The following ROBO1 variants were observed in gnomAD, a reference collection of about 807,000 sequenced individuals.
The protein encoded by ROBO1 is roundabout guidance receptor 1, also known as roundabout homolog 1.
Under a neutral mutation model 195.9 loss-of-function variants are expected in ROBO1, and 149 were observed. That is an observed-to-expected ratio of 0.76 (90% confidence interval 0.67 to 0.87). ROBO1 has a LOEUF of 0.87. Among genes scored for constraint, ROBO1 ranks in the 40% least tolerant of loss-of-function variants. The probability of loss-of-function intolerance (pLI) is 0.00; values close to 1 mark genes in which losing one functional copy is unlikely to be tolerated. For missense variants in ROBO1, 1,933 were observed against 2,068.3 expected, an observed-to-expected ratio of 0.93 and a Z score of 1.27; for synonymous variants, 816 against 733.2, an observed-to-expected ratio of 1.11 and a Z score of -1.82.
chr3:79,566,895 C>G (rs1943107672), intron 2 of ROBO1, among the ~76,000 whole-genome samples: 3 of 152,170 alleles, frequency 2.0e-5, no homozygotes, highest in East Asian at 1.9e-4. Flanking sequence ...GACATAGAGA[C>G]AGAAATACCG....
Position 78,899,055 on chromosome 3 carries a change from A to G in ROBO1, c.499+39546T>C, listed in dbSNP as rs530529985. ...CTCACCTACAACTTGATTTATTTCC[A>G]ATGTCCTGTGCTAGGACTGGTACCC... On this transcript the variant is annotated intron_variant, in intron 4 of 30. Coordinates refer to ENST00000464233, the MANE Select transcript of ROBO1 (RefSeq NM_002941.4). 7.9e-5 allele frequency among the ~76,000 whole-genome samples: 12 copies of G among 152,270 alleles called. No individual in the cohort carries two copies. In the East Asian group the frequency reaches 2.1e-3, roughly 27 times the overall value.
At chr3:79,497,968 C>T (rs532847101) in intron 2 of ROBO1, among the ~76,000 whole-genome samples, 9 of 151,826 alleles carry the variant, frequency 5.9e-5, no homozygotes, top group African/African-American at 2.2e-4. Context: ...TAATAAATAG[C>T]TCAGGAATAT....
At chr3:79,322,673 C>T (rs528984227) in intron 2 of ROBO1, among the ~76,000 whole-genome samples, 18 of 152,062 alleles carry the variant, frequency 1.2e-4, no homozygotes, top group South Asian at 4.2e-4. Flanking sequence ...ACCATTTGGC[C>T]GTATATTGGT....
chr3:78,761,318 T>C (rs1050426520), intron 4 of ROBO1, among the ~76,000 whole-genome samples: 5 of 152,172 alleles, frequency 3.3e-5, no homozygotes, highest in Non-Finnish European at 7.3e-5. Flanking sequence ...GGCTTTGGAT[T>C]ACTTTTCTCC....
chr3:78,970,682 C>A (rs955858239), intron 3 of ROBO1, among the ~76,000 whole-genome samples: 3 of 152,054 alleles, frequency 2.0e-5, no homozygotes, highest in Admixed American at 1.3e-4. Context: ...ACAAAAAAAT[C>A]TTTGCAGAGG....
intron 2 of ROBO1, among the ~76,000 whole-genome samples, chr3:79,179,113 G>A (rs1245321203): frequency 6.6e-6 from 1 of 152,058 alleles, no homozygotes; most frequent in Admixed American, 6.6e-5. Flanking sequence ...CTCAAACGAT[G>A]TTTCAAAGAC....
At chr3:78,992,953 G>C (rs1442240196) in intron 3 of ROBO1, among the ~76,000 whole-genome samples, 3 of 152,146 alleles carry the variant, frequency 2.0e-5, no homozygotes, top group Non-Finnish European at 4.4e-5. Context: ...TTTCGTAGGA[G>C]ATGCGAATAC....
intron 2 of ROBO1, among the ~76,000 whole-genome samples, chr3:79,161,979 T>G (rs571430484): frequency 1.5e-4 from 23 of 152,190 alleles, no homozygotes; most frequent in Non-Finnish European, 3.1e-4. Context: ...TCAGTCACCA[T>G]GGAGGTGACT....
chr3:78,984,580 C>A (rs2077063899), intron 3 of ROBO1, among the ~76,000 whole-genome samples: 2 of 152,160 alleles, frequency 1.3e-5, no homozygotes, highest in African/African-American at 4.8e-5. Flanking sequence ...TTTCTCTGCT[C>A]TTTTAGCTCT....
intron 1 of ROBO1, among the ~76,000 whole-genome samples, chr3:79,684,966 T>A (rs1415063026): frequency 6.6e-6 from 1 of 151,938 alleles, no homozygotes; most frequent in African/African-American, 2.4e-5. Context: ...ACTCCAGGCA[T>A]TTTAAGTAGT....
At chr3:79,674,747 T>C (rs187197643) in intron 1 of ROBO1, among the ~76,000 whole-genome samples, 1 of 151,996 alleles carries the variant, frequency 6.6e-6, no homozygotes, top group East Asian at 1.9e-4. Context: ...AGAGAAACTT[T>C]TGCATTTCAT....
chr3:79,496,444 C>T (rs1233912308), intron 2 of ROBO1, among the ~76,000 whole-genome samples: 2 of 123,786 alleles, frequency 1.6e-5, no homozygotes, highest in Non-Finnish European at 3.3e-5. Context: ...ACTGCAGTGG[C>T]GCAATCTCGG....
rs184340116 is a variant in ROBO1, at chr3:79,340,928, G to T, written c.89-215389C>A. 2.0e-5 allele frequency among the ~76,000 whole-genome samples: 3 copies of T among 152,314 alleles called. No individual in the cohort carries two copies. The East Asian group carries it at 5.8e-4, about 29-fold the overall frequency. On this transcript the variant is annotated intron_variant, in intron 2 of 30. Transcript: ENST00000464233. ...ATTTTAGATAATATAAAAGAGTTAA[G>T]CAGATGTGATTAGGAAACTCATACA...
chr3:79,424,860 A>T (rs967205072), intron 2 of ROBO1, among the ~76,000 whole-genome samples: 3 of 152,170 alleles, frequency 2.0e-5, no homozygotes, highest in Admixed American at 2.0e-4. Context: ...ATATAAACAG[A>T]ATGAGGCAGA....
intron 1 of ROBO1, among the ~76,000 whole-genome samples, chr3:79,614,953 T>C (rs1944774234): frequency 2.0e-5 from 3 of 152,040 alleles, no homozygotes; most frequent in Admixed American, 6.6e-5. Context: ...AAACCAAAAA[T>C]AGAATTTTGA....
At chr3:79,567,027 G>C (rs1231077661) in intron 2 of ROBO1, among the ~76,000 whole-genome samples, 2 of 152,100 alleles carry the variant, frequency 1.3e-5, no homozygotes, top group Non-Finnish European at 2.9e-5. Context: ...TGATATACTG[G>C]ACAAAGAAAA....
chr3:78,601,801 C>G (rs775154898), intron 29 of ROBO1, among the ~76,000 whole-genome samples: 1 of 152,054 alleles, frequency 6.6e-6, no homozygotes, highest in Non-Finnish European at 1.5e-5. Flanking sequence ...TAATGCTAAC[C>G]GTGTTTCCAG....
chr3:78,808,658 A>T (rs2084627141), intron 4 of ROBO1, among the ~76,000 whole-genome samples: 2 of 152,240 alleles, frequency 1.3e-5, no homozygotes, highest in Admixed American at 6.5e-5. Context: ...TTATACTGTT[A>T]AAAGCAATCC....
intron 3 of ROBO1, among the ~76,000 whole-genome samples, chr3:78,950,855 C>T (rs1488585107): frequency 3.3e-5 from 5 of 151,914 alleles, no homozygotes; most frequent in Non-Finnish European, 5.9e-5. Context: ...ACTGTGCCAT[C>T]TTCTCCAAAT....
Sources: gnomAD v4.1 joint callset for allele counts (sites outside exome capture counted in the v4.1 genomes callset) on GRCh38, gnomAD v4.1.1 for gene constraint, MANE v1.5 for transcripts, NCBI Gene and HGNC (gene_info 2026-07-23, HGNC 2026-07-21) for gene names.